Variants in GHRL observed in about 807,000 individuals in gnomAD.
The protein encoded by GHRL is ghrelin and obestatin prepropeptide.
A neutral mutation model predicts 16.9 loss-of-function variants in GHRL; 24 were observed. That is an observed-to-expected ratio of 1.42 (90% CI 1.03 to 2.00). The LOEUF is 2.00. Ranked by LOEUF, GHRL falls within the 30% of genes most tolerant of loss-of-function variation. GHRL has a pLI of 0.00. For synonymous variants in GHRL, 63 were observed against 58.2 expected (o/e 1.08, Z -0.37); for missense variants, 193 against 142.1 (o/e 1.36, Z -1.82).
chr3:10,285,855 T>G lies in GHRL; in HGVS notation c.*20A>C. On this transcript the variant is annotated 3_prime_UTR_variant, in exon 6 of 6. Coordinates refer to ENST00000335542, the MANE Select transcript of GHRL (RefSeq NM_016362.5). ...GAGCGCTTCTAAACTTAGAGAGAGG[T>G]GAGTAAGGCTTGTGGGCGATCACTT... 1.9e-6 allele frequency: 3 copies of G among 1,609,572 alleles called. No homozygotes were observed. Among genetic ancestry groups the G allele is most frequent in the Non-Finnish European group, 1.7e-6 (2 of 1,176,326 alleles).
intron 4 of GHRL, 53 bp from the exon 5 acceptor site, chr3:10,286,865 C>G: frequency 9.2e-7 from 1 of 1,085,660 alleles, no homozygotes. Flanking sequence ...ATGCCCATCC[C>G]CATCTCAAAG....
intron 1 of GHRL, chr3:10,292,634 C>T: frequency 5.5e-6 from 3 of 547,702 alleles, no homozygotes; most frequent in Non-Finnish European, 6.4e-6. Flanking sequence ...GAGGTCTTCA[C>T]AGGCCTGTCT....
rs1251393855 is a variant in GHRL at position 10,290,089 on chromosome 3, T to A, written c.92A>T (p.Glu31Val). The A allele has an allele frequency of 2.5e-6, 4 of 1,612,610 alleles. No homozygotes were observed. The East Asian group carries it at 8.9e-5, about 36-fold the overall frequency. The part of the protein sequence containing the change: ...AMAGSSFLSP[E>V]HQRVQQRKES... ...AGGTCTCACCTGGACTCTCTGGTGT[T>A]CAGGGCTCAGGAAGCTGGAGCCTGC... The change falls in exon 3 of 6, where the codon GAA becomes GTA. Residue 31 changes from glutamate to valine, a missense_variant. Physicochemically the swap from Glu to Val is moderately radical, Grantham distance 121 (BLOSUM62 -2). Transcript: ENST00000335542.
chr3:10,289,562 ACTT>A lies in GHRL; in HGVS notation c.225+197_225+199del, dbSNP rs1368578134. 8.6e-5 allele frequency among the ~76,000 whole-genome samples: 13 copies of A among 151,814 alleles called. No homozygotes were observed. In the South Asian group the frequency reaches 1.9e-3, roughly 22 times the overall value. ...GTCCCTATTCTGTTGTAGCAAAGTTACTTCTTCTAGATATTTTTCTCTTAATGG... is the reference window on the plus strand; with the variant it reads ...GTCCCTATTCTGTTGTAGCAAAGTTACTTCTAGATATTTTTCTCTTAATGG... On this transcript the variant is annotated intron_variant, in intron 4 of 5. Transcript: ENST00000335542.
At position 10,292,933 on chromosome 3, in the gene GHRL, T is replaced by C. The variant is rs1259425927; in HGVS notation, c.-857A>G. ...AAACATCCACTGTGCAAAGCTGTGT[T>C]ATCTTTGGGGAACTGAAATGTCCCC... is the stretch of plus-strand genomic sequence containing the variant. On this transcript the variant is annotated 5_prime_UTR_variant, in exon 1 of 6. The change creates a new upstream start codon in the 5' untranslated region. Coordinates refer to ENST00000335542, the MANE Select transcript of GHRL (RefSeq NM_016362.5). 6.6e-7 allele frequency: 1 copy of C among 1,510,482 alleles called. No homozygotes were observed. Among genetic ancestry groups the C allele is most frequent in the Admixed American group, 2.1e-5 (1 of 46,580 alleles). The allele number at this position is 1,510,482 out of a possible 1,614,324, so 93.6% of individuals were successfully genotyped here.
At chr3:10,285,942 A>C in intron 5 of GHRL, 48 bp from the exon 6 acceptor site, 1 of 1,569,290 alleles carries the variant, frequency 6.4e-7, no homozygotes, top group South Asian at 1.1e-5. Flanking sequence ...CCGTCCTGCT[A>C]GTGCTTTTCT....
chr3:10,287,439 T>C (rs1437336372), intron 4 of GHRL: 1 of 153,444 alleles, frequency 6.5e-6, no homozygotes, highest in Admixed American at 6.5e-5. Context: ...TCTTCCATTT[T>C]CCAGGTATTC....
chr3:10,290,223 G>A lies in GHRL; in HGVS notation c.-29-14C>T, dbSNP rs1699775260. 3.8e-6 allele frequency: 6 copies of A among 1,582,568 alleles called. No individual in the cohort carries two copies. Among genetic ancestry groups the A allele is most frequent in the African/African-American group, 1.3e-5 (1 of 74,622 alleles). ...AGACAGGTGGGCCTGGGGGAGAGAG[G>A]GTCTCCAGGCAGCTGCCTCCCCTTC... On this transcript the variant is annotated splice_polypyrimidine_tract_variant and intron_variant, in intron 2 of 5. Coordinates refer to ENST00000335542, the MANE Select transcript of GHRL (RefSeq NM_016362.5).
intron 1 of GHRL, among the ~76,000 whole-genome samples, chr3:10,291,716 A>T (rs1559481251): frequency 6.6e-6 from 1 of 152,176 alleles, no homozygotes; most frequent in African/African-American, 2.4e-5. Context: ...GCTTCATCCA[A>T]CTGGGTGCCC....
At position 10,292,138 on chromosome 3, in the gene GHRL, A is replaced by T. The variant is rs1187005479; in HGVS notation, c.-765-687T>A. The T allele has an allele frequency of 3.3e-5, 5 of 152,188 alleles. No individual in the cohort carries two copies. In the East Asian group the frequency reaches 9.6e-4, roughly 29 times the overall value. 9.4% of individuals were successfully genotyped at this position (152,188 alleles called of 1,614,324 possible). A position where few individuals can be genotyped will look rare whatever the true frequency, so the allele number is the denominator to read the frequency against. On this transcript the variant is annotated intron_variant, in intron 1 of 5. Transcript: ENST00000335542. ...GAATGAAAGAGTTGGAAAGACTTTA[A>T]AGCTCTGGGAGGCTGAATCCTTTAT...
At chr3:10,291,508 C>A (rs1434372708) in intron 1 of GHRL, 57 bp from the exon 2 acceptor site, 2 of 968,016 alleles carry the variant, frequency 2.1e-6, no homozygotes, top group Non-Finnish European at 2.5e-6. Context: ...ATTGACTGGC[C>A]TTACGCCGAC....
At chr3:10,291,861 G>C (rs922670546) in intron 1 of GHRL, among the ~76,000 whole-genome samples, 1 of 152,130 alleles carries the variant, frequency 6.6e-6, no homozygotes, top group Non-Finnish European at 1.5e-5. Flanking sequence ...TGGTGAACTC[G>C]GGGCAGGGCT....
intron 2 of GHRL, chr3:10,290,429 G>C (rs1207837207): frequency 3.9e-6 from 2 of 511,604 alleles, no homozygotes; most frequent in Non-Finnish European, 7.1e-6. Flanking sequence ...AGCAGGACTT[G>C]ATAGGGGCTG....
At chr3:10,286,889 C>T (rs137950145) in intron 4 of GHRL, 77 bp from the exon 5 acceptor site, 4 of 839,956 alleles carry the variant, frequency 4.8e-6, no homozygotes, top group African/African-American at 1.7e-5. Flanking sequence ...GCTCTGGGCT[C>T]TCTGCCTCTC....
rs1291985775 is a variant in GHRL, at chr3:10,290,253, G to A, written c.-29-44C>T. The A allele has an allele frequency of 5.2e-6, 8 of 1,552,064 alleles. No individual in the cohort carries two copies. The East Asian group carries it at 1.4e-4, about 27-fold the overall frequency. On this transcript the variant is annotated intron_variant, in intron 2 of 5. Transcript: ENST00000335542. ...CCAGGCAGCTGCCTCCCCTTCTCAT[G>A]TGCCTCTGAGCTTGCTCAGGTAGGA...
chr3:10,286,369 A>G (rs1467765194), intron 5 of GHRL, among the ~76,000 whole-genome samples: 1 of 152,230 alleles, frequency 6.6e-6, no homozygotes, highest in Non-Finnish European at 1.5e-5. Context: ...GAGTAAAGTT[A>G]CGCAGTGAAG....
chr3:10,290,104 C>G lies in GHRL; in HGVS notation c.77G>C (p.Ser26Thr), dbSNP rs1699743620. ...LWLDLAMAGS[S>T]FLSPEHQRVQ... ...TCTCTGGTGTTCAGGGCTCAGGAAGCTGGAGCCTGCCATGGCCAAGTCCAG... is the reference window on the plus strand; with the variant it reads ...TCTCTGGTGTTCAGGGCTCAGGAAGGTGGAGCCTGCCATGGCCAAGTCCAG... The change falls in exon 3 of 6, where the codon AGC becomes ACC. Residue 26 changes from serine (S) to threonine (T), a missense_variant. Transcript: ENST00000335542. 6.2e-7 allele frequency: 1 copy of G among 1,612,898 alleles called. No homozygotes were observed. Among genetic ancestry groups the G allele is most frequent in the Non-Finnish European group, 8.5e-7 (1 of 1,179,790 alleles).
Position 10,290,861 on chromosome 3 carries a change from C to T in GHRL, c.-175G>A, listed in dbSNP as rs1699902567. On this transcript the variant is annotated 5_prime_UTR_variant, in exon 2 of 6. Transcript: ENST00000335542. The stretch of plus-strand genomic sequence containing the variant: ...ACATTCCTTGGGAACTAAAAATGTT[C>T]TTGTCCTCTGGGTAGAAGTCAACAG... The T allele has an allele frequency of 4.1e-6, 4 of 985,714 alleles. No homozygotes were observed. The highest frequency in any genetic ancestry group is 4.8e-6 in the Non-Finnish European group (4 of 830,224). The allele number at this position is 985,714 out of a possible 1,614,324, so 61.1% of individuals were successfully genotyped here.
rs75829178 is a variant in GHRL, at chr3:10,286,015, G to T, written c.335-121C>A. On this transcript the variant is annotated intron_variant, in intron 5 of 5. Coordinates refer to ENST00000335542, the MANE Select transcript of GHRL (RefSeq NM_016362.5). ...GGGGTTGTGGGGAAGCACTGGCCTT[G>T]GAGTCAGAGGGCGGCACTCAAGTGT... The T allele has an allele frequency of 3.3e-3, 2,769 of 842,788 alleles. 47 individuals carry two copies. The African/African-American group carries it at 0.04, about 12-fold the overall frequency. The allele number at this position is 842,788 out of a possible 1,614,324, so 52.2% of individuals were successfully genotyped here. A position where few individuals can be genotyped will look rare whatever the true frequency, so the allele number is the denominator to read the frequency against.
Sources: gnomAD v4.1 joint callset for allele counts (sites outside exome capture counted in the v4.1 genomes callset) on GRCh38, gnomAD v4.1.1 for gene constraint, MANE v1.5 for transcripts, NCBI Gene and HGNC (gene_info 2026-07-23, HGNC 2026-07-21) for gene names.